The following HDHD5 variants were observed in gnomAD, a reference collection of about 807,000 sequenced individuals.
HDHD5 encodes the protein haloacid dehalogenase-like hydrolase domain-containing 5.
HDHD5 carries 34 observed loss-of-function variants against 35.5 expected under a neutral mutation model. The ratio of observed to expected loss-of-function variants is 0.96; its 90% CI spans 0.73 to 1.28. The LOEUF (loss-of-function observed/expected upper bound fraction) is 1.28. Among genes scored for constraint, HDHD5 ranks in the 50% most tolerant of loss-of-function variants. The pLI is 0.00. For missense variants in HDHD5, 589 were observed against 560.2 expected (o/e 1.05, Z -0.52); for synonymous variants, 248 against 240.6 (o/e 1.03, Z -0.29).
chr22:17,144,378 T>C (rs1366733959), intron 4 of HDHD5, among the ~76,000 whole-genome samples: 1 of 150,370 alleles, frequency 6.7e-6, no homozygotes, highest in African/African-American at 2.4e-5. Flanking sequence ...GCCTCCTGAG[T>C]AGCTGGGACT....
At chr22:17,157,085 TACACACACACACACACAC>T (rs58807817) in intron 1 of HDHD5, among the ~76,000 whole-genome samples, 2 of 143,682 alleles carry the variant, frequency 1.4e-5, no homozygotes, top group African/African-American at 2.6e-5. Flanking sequence ...CTCACACACA[TACACACACACACACACAC>T]ACACACACAC....
chr22:17,163,308 T>A (rs1429112220), upstream of HDHD5, among the ~76,000 whole-genome samples: 2 of 152,122 alleles, frequency 1.3e-5, no homozygotes, highest in African/African-American at 4.8e-5. Flanking sequence ...GCTTCAGAGG[T>A]CCAGGATTCT....
At chr22:17,154,257 C>G (rs2061759883) in intron 1 of HDHD5, among the ~76,000 whole-genome samples, 1 of 151,508 alleles carries the variant, frequency 6.6e-6, no homozygotes. Flanking sequence ...CCGAGGTGGG[C>G]AGATCGCCTG....
At chr22:17,151,471 T>C (rs1318170574) in intron 1 of HDHD5, among the ~76,000 whole-genome samples, 9 of 152,178 alleles carry the variant, frequency 5.9e-5, no homozygotes, top group Non-Finnish European at 1.0e-4. Flanking sequence ...GGCTCACGCC[T>C]GTAATCCCAG....
At chr22:17,156,941 G>A (rs1351973109) in intron 1 of HDHD5, among the ~76,000 whole-genome samples, 1 of 151,968 alleles carries the variant, frequency 6.6e-6, no homozygotes, top group Non-Finnish European at 1.5e-5. Context: ...AGCTGGGCGT[G>A]GTGGCAGGCG....
chr22:17,159,501 C>T, upstream of HDHD5: 1 of 469,884 alleles, frequency 2.1e-6, no homozygotes, highest in Non-Finnish European at 4.1e-6. Flanking sequence ...GCACAATGGG[C>T]ACGGCCTGGG....
intron 1 of HDHD5, among the ~76,000 whole-genome samples, chr22:17,157,115 A>ACACACACACACACACACACACAC (rs1244963563): frequency 1.2e-5 from 1 of 80,960 alleles, no homozygotes; most frequent in Admixed American, 1.3e-4. Context: ...CACACACACA[A>ACACACACACACACACACACACAC]AAGAAAAAAG....
intron 5 of HDHD5, chr22:17,142,023 A>G (rs1391431381): frequency 1.3e-5 from 2 of 152,244 alleles, no homozygotes; most frequent in Non-Finnish European, 2.9e-5. Flanking sequence ...GGGACGCTAC[A>G]TACTCAGGAC....
chr22:17,165,260 C>T, exon 1 of HDHD5: 1 of 774,342 alleles, frequency 1.3e-6, no homozygotes, highest in Non-Finnish European at 2.4e-6. Flanking sequence ...AGTCCCCTCT[C>T]CTCTTTAGGA....
At chr22:17,145,736 G>C (rs1465741907) in intron 3 of HDHD5, among the ~76,000 whole-genome samples, 3 of 152,070 alleles carry the variant, frequency 2.0e-5, no homozygotes, top group Non-Finnish European at 4.4e-5. Flanking sequence ...AGCACATTCA[G>C]AGCCCATCAA....
chr22:17,155,487 C>T lies in HDHD5; in HGVS notation c.126+3639G>A, dbSNP rs188024982. 5.7e-3 allele frequency among the ~76,000 whole-genome samples: 867 copies of T among 152,186 alleles called. 5 individuals are homozygous for T. Among genetic ancestry groups the T allele is most frequent in the Middle Eastern group, 0.02 (6 of 294 alleles). The stretch of plus-strand genomic sequence containing the variant: ...GTCTCAAACTCCTGACCTCGTGATC[C>T]GCCCGTCGCGGCCTCCCAAAGTGCT... On this transcript the variant is annotated intron_variant, in intron 1 of 7. Coordinates refer to ENST00000336737, the MANE Select transcript of HDHD5 (RefSeq NM_033070.3).
chr22:17,158,830 G>A (rs1352919990), intron 1 of HDHD5: 1 of 223,080 alleles, frequency 4.5e-6, no homozygotes, highest in East Asian at 9.0e-5. Context: ...GACGCGCAGG[G>A]AAAACAGGGA....
intron 4 of HDHD5, among the ~76,000 whole-genome samples, chr22:17,144,319 A>G (rs993467365): frequency 1.3e-5 from 2 of 151,448 alleles, no homozygotes; most frequent in African/African-American, 2.4e-5. Flanking sequence ...CAGTGATCAC[A>G]GCTCACTGCA....
chr22:17,152,117 G>A (rs2061733488), intron 1 of HDHD5, among the ~76,000 whole-genome samples: 2 of 152,128 alleles, frequency 1.3e-5, no homozygotes. Context: ...TAAGAGATAG[G>A]CCCACACCAG....
intron 3 of HDHD5, 67 bp from the exon 4 acceptor site, chr22:17,145,184 T>C: frequency 6.3e-7 from 1 of 1,597,758 alleles, no homozygotes. Context: ...ATGCATCAAA[T>C]CACAAGTGAA....
intron 1 of HDHD5, among the ~76,000 whole-genome samples, chr22:17,152,077 C>T (rs1321342456): frequency 1.3e-5 from 2 of 152,254 alleles, no homozygotes; most frequent in East Asian, 1.9e-4. Flanking sequence ...AGACAGGCAG[C>T]CCCAGGACAG....
At chr22:17,159,300 CGA>C, upstream of HDHD5, 2 of 1,181,684 alleles carry the variant, frequency 1.7e-6, no homozygotes, top group Non-Finnish European at 2.1e-6. Flanking sequence ...CCCCCCCCCG[CGA>C]GTCCGTCCGC....
intron 1 of HDHD5, among the ~76,000 whole-genome samples, chr22:17,157,703 C>A (rs1364935388): frequency 6.6e-6 from 1 of 152,198 alleles, no homozygotes; most frequent in Non-Finnish European, 1.5e-5. Flanking sequence ...CAAACTTCCA[C>A]CTTGGTCACG....
intron 1 of HDHD5, among the ~76,000 whole-genome samples, chr22:17,153,375 C>A (rs1258233794): frequency 6.6e-6 from 1 of 152,188 alleles, no homozygotes; most frequent in African/African-American, 2.4e-5. Flanking sequence ...TCAAATTCAG[C>A]TGGCAACTCG....
Sources: allele counts gnomAD v4.1 joint callset (sites outside exome capture counted in the v4.1 genomes callset), GRCh38; gene constraint gnomAD v4.1.1; transcripts MANE v1.5; gene names NCBI Gene and HGNC (gene_info 2026-07-23, HGNC 2026-07-21).